The following IL1RAPL2 variants were observed in gnomAD, a reference collection of about 807,000 sequenced individuals.
The protein encoded by IL1RAPL2 is X-linked interleukin-1 receptor accessory protein-like 2.
In IL1RAPL2, 3 loss-of-function variants were observed where a neutral mutation model predicts 44.1. The observed-to-expected ratio is 0.07, with a 90% CI of 0.03 to 0.18. The LOEUF (loss-of-function observed/expected upper bound fraction) is 0.18. Ranked by LOEUF, IL1RAPL2 falls within the 10% of genes least tolerant of loss-of-function variation. The pLI, the probability that IL1RAPL2 is intolerant of heterozygous loss-of-function variation, is 1.00. For missense variants in IL1RAPL2, 391 were observed against 496.4 expected (o/e 0.79, Z 2.02); for synonymous variants, 181 against 178.8 (o/e 1.01, Z -0.10).
At chrX:105,545,110 GTA>G (rs2036781269) in intron 6 of IL1RAPL2, among the ~76,000 whole-genome samples, 1 of 111,638 alleles carries the variant, frequency 9.0e-6, no homozygotes, top group African/African-American at 3.3e-5. Flanking sequence ...TTTAAAAAAA[GTA>G]TAGAGTGTTT....
chrX:104,675,352 A>C (rs1488393646), intron 2 of IL1RAPL2, among the ~76,000 whole-genome samples: 1 of 111,653 alleles, frequency 9.0e-6, no homozygotes, highest in African/African-American at 3.3e-5. Flanking sequence ...TCATTTCGTT[A>C]TGTACCCAGT....
At chrX:105,728,396 C>CTGAG (rs1302074978) in intron 7 of IL1RAPL2, among the ~76,000 whole-genome samples, 5 of 111,438 alleles carry the variant, frequency 4.5e-5, no homozygotes, top group African/African-American at 1.3e-4. Flanking sequence ...TGTGCCTTTA[C>CTGAG]TGAGTTTTCT....
chrX:104,661,443 ATGTT>A, intron 2 of IL1RAPL2, among the ~76,000 whole-genome samples: 1 of 110,793 alleles, frequency 9.0e-6, no homozygotes, highest in East Asian at 2.9e-4. Flanking sequence ...TTTTGTTTGT[ATGTT>A]TGTTTATTGT....
chrX:104,744,576 A>G (rs1932142860), intron 2 of IL1RAPL2, among the ~76,000 whole-genome samples: 1 of 111,586 alleles, frequency 9.0e-6, no homozygotes, highest in African/African-American at 3.3e-5. Flanking sequence ...TTCACTCAAC[A>G]AATATTTATA....
rs184167231 is a variant in IL1RAPL2, at chrX:104,950,832, C to A, written c.83-244643C>A. On this transcript the variant is annotated intron_variant, in intron 2 of 10. Coordinates refer to ENST00000372582, the MANE Select transcript of IL1RAPL2 (RefSeq NM_017416.2). ...ACGTCATTCTCCTGCCTCAGCCTCC[C>A]GAGTAGCTGGGACTACAGGCGCCCG... Among the ~76,000 whole-genome samples the A allele has an allele frequency of 5.4e-5, 6 of 111,035 alleles. No individual in the cohort carries two copies. In the East Asian group the frequency reaches 8.5e-4, roughly 16 times the overall value.
chrX:104,576,489 T>C (rs1384607418), intron 1 of IL1RAPL2, among the ~76,000 whole-genome samples: 1 of 111,809 alleles, frequency 8.9e-6, no homozygotes, highest in Non-Finnish European at 1.9e-5. Context: ...AAAAGTATCC[T>C]AAGGCGTTGT....
At chrX:104,965,820 A>G (rs1569352688) in intron 2 of IL1RAPL2, among the ~76,000 whole-genome samples, 1 of 111,891 alleles carries the variant, frequency 8.9e-6, no homozygotes, top group African/African-American at 3.2e-5. Context: ...GATTAGGCAT[A>G]AAGAAAGAAT....
chrX:105,584,801 G>A lies in IL1RAPL2; in HGVS notation c.772+100414G>A, dbSNP rs2037115223. Among the ~76,000 whole-genome samples, 4 of 110,184 alleles carry A rather than the reference G, an allele frequency of 3.6e-5. No individual in the cohort carries two copies. In the Admixed American group the frequency reaches 3.9e-4, roughly 11 times the overall value. ...ACTGGTGTTCAGCAATATGATTAAAGGTTTTGAGAAATGTGGAAATCTTCA... is the reference window on the plus strand; with the variant it reads ...ACTGGTGTTCAGCAATATGATTAAAAGTTTTGAGAAATGTGGAAATCTTCA... On this transcript the variant is annotated intron_variant, in intron 6 of 10. Transcript: ENST00000372582.
intron 2 of IL1RAPL2, among the ~76,000 whole-genome samples, chrX:105,158,511 G>C (rs935160120): frequency 8.9e-6 from 1 of 111,926 alleles, no homozygotes; most frequent in African/African-American, 3.2e-5. Flanking sequence ...TCATTTTGGT[G>C]CAGACACGAA....
Position 104,948,777 on chromosome X carries a change from C to A in IL1RAPL2, c.83-246698C>A, listed in dbSNP as rs985308839. ...ATCCCAGGGATGAAGCCCACTTGAG[C>A]ATGGTGGATAAGCTTTTTGATGTGC... is the stretch of plus-strand genomic sequence containing the variant. On this transcript the variant is annotated intron_variant, in intron 2 of 10. Coordinates refer to ENST00000372582, the MANE Select transcript of IL1RAPL2 (RefSeq NM_017416.2). Among the ~76,000 whole-genome samples the A allele has an allele frequency of 5.1e-4, 56 of 109,048 alleles. No individual in the cohort carries two copies. In the East Asian group the frequency reaches 5.9e-3, roughly 12 times the overall value. 94.7% of individuals were successfully genotyped at this position (109,048 alleles called of 115,157 possible).
rs1569282532 is a variant in IL1RAPL2, at chrX:104,620,669, A to AAG, written c.-19-38222_-19-38221dup. Among the ~76,000 whole-genome samples the AAG allele has an allele frequency of 1.8e-4, 18 of 102,371 alleles. No individual in the cohort carries two copies. The East Asian group carries it at 4.8e-3, about 27-fold the overall frequency. 88.9% of individuals were successfully genotyped at this position (102,371 alleles called of 115,157 possible). On this transcript the variant is annotated intron_variant, in intron 1 of 10. Coordinates refer to ENST00000372582, the MANE Select transcript of IL1RAPL2 (RefSeq NM_017416.2). ...AAAAAAAAAAAAAAAAAAAAAAAAA[A>AAG]AGAGATGGTATACTCTTGGGTGAGG...
At chrX:105,028,182 G>A (rs976146418) in intron 2 of IL1RAPL2, among the ~76,000 whole-genome samples, 1 of 111,305 alleles carries the variant, frequency 9.0e-6, no homozygotes, top group Non-Finnish European at 1.9e-5. Context: ...GACTGGGAAG[G>A]GTGGTGGAGA....
intron 6 of IL1RAPL2, among the ~76,000 whole-genome samples, chrX:105,546,039 G>C (rs1366692878): frequency 1.8e-5 from 2 of 111,288 alleles, no homozygotes; most frequent in African/African-American, 6.5e-5. Flanking sequence ...GTTGGGCATG[G>C]GTGTTGCCAG....
chrX:105,100,043 G>A lies in IL1RAPL2; in HGVS notation c.83-95432G>A, dbSNP rs1422770680. Among the ~76,000 whole-genome samples, 11 of 111,166 alleles carry A rather than the reference G, an allele frequency of 9.9e-5. 1 individual carries two copies. Among genetic ancestry groups the A allele is most frequent in the Admixed American group, 3.8e-4 (4 of 10,471 alleles). ...CAGTACAATAAGATATTTTGAGAGA[G>A]AGAGAAAAATAGAATACATTCACGT... On this transcript the variant is annotated intron_variant, in intron 2 of 10. Transcript: ENST00000372582.
intron 2 of IL1RAPL2, among the ~76,000 whole-genome samples, chrX:105,168,313 C>T (rs1225252884): frequency 9.0e-6 from 1 of 111,042 alleles, no homozygotes. Flanking sequence ...CAGTGTTTTC[C>T]TCTAAATGCG....
intron 2 of IL1RAPL2, among the ~76,000 whole-genome samples, chrX:104,837,075 T>C (rs1025732802): frequency 8.9e-6 from 1 of 111,826 alleles, no homozygotes; most frequent in Non-Finnish European, 1.9e-5. Flanking sequence ...TTTTTATGGG[T>C]GCATAGTATT....
intron 2 of IL1RAPL2, among the ~76,000 whole-genome samples, chrX:105,098,103 A>G (rs1198568245): frequency 2.7e-5 from 3 of 112,226 alleles, no homozygotes; most frequent in Non-Finnish European, 5.6e-5. Flanking sequence ...CTGAGATAGC[A>G]TATAGTAGAA....
Position 105,679,816 on chromosome X carries a change from A to T in IL1RAPL2, c.773-37551A>T, listed in dbSNP as rs936581591. Among the ~76,000 whole-genome samples, 12 of 111,728 alleles carry T rather than the reference A, an allele frequency of 1.1e-4. No homozygotes were observed. The Admixed American group carries it at 1.1e-3, about 11-fold the overall frequency. On this transcript the variant is annotated intron_variant, in intron 6 of 10. Coordinates refer to ENST00000372582, the MANE Select transcript of IL1RAPL2 (RefSeq NM_017416.2). ...AAGACATATCATCAGACTGGACCTA[A>T]TTATTTATGAAAGTGCAGCAAGTGT...
At chrX:105,074,416 C>A (rs1198842680) in intron 2 of IL1RAPL2, among the ~76,000 whole-genome samples, 2 of 111,491 alleles carry the variant, frequency 1.8e-5, no homozygotes, top group African/African-American at 6.5e-5. Context: ...TGTTTTGGTA[C>A]CAGTACCATG....
Sources: gnomAD v4.1 joint callset for allele counts (sites outside exome capture counted in the v4.1 genomes callset) on GRCh38, gnomAD v4.1.1 for gene constraint, MANE v1.5 for transcripts, NCBI Gene and HGNC (gene_info 2026-07-23, HGNC 2026-07-21) for gene names.